The following UHRF2 variants were observed in gnomAD, a reference collection of about 807,000 sequenced individuals.
The protein encoded by UHRF2 is E3 ubiquitin-protein ligase UHRF2.
Under a neutral mutation model 96.8 loss-of-function variants are expected in UHRF2, and 23 were observed. That is an observed-to-expected ratio of 0.24 (90% CI 0.17 to 0.34). The LOEUF is 0.34. Among genes scored for constraint, UHRF2 ranks in the 10% least tolerant of loss-of-function variants. The pLI, the probability that UHRF2 is intolerant of heterozygous loss-of-function variation, is 1.00. For missense variants in UHRF2, 685 were observed against 981.5 expected (o/e 0.70, Z 4.04); for synonymous variants, 385 against 332.6 (o/e 1.16, Z -1.72).
chr9:6,495,274 A>G (rs996236490), intron 10 of UHRF2: 1 of 152,346 alleles, frequency 6.6e-6, no homozygotes, highest in African/African-American at 2.4e-5. Flanking sequence ...AGCAGTAAAC[A>G]TGTTTTCTAT....
chr9:6,477,309 G>T (rs1460717773), intron 5 of UHRF2, among the ~76,000 whole-genome samples: 1 of 151,936 alleles, frequency 6.6e-6, no homozygotes. Context: ...CAGATCACCT[G>T]AGGTTGGAAG....
intron 1 of UHRF2, chr9:6,415,641 A>G (rs1819556414): frequency 6.6e-6 from 1 of 152,238 alleles, no homozygotes; most frequent in South Asian, 2.1e-4. Flanking sequence ...GAAAAATGTC[A>G]TAAATTGTAG....
intron 3 of UHRF2, among the ~76,000 whole-genome samples, chr9:6,445,874 A>G (rs1196079319): frequency 6.6e-6 from 1 of 151,598 alleles, no homozygotes; most frequent in Non-Finnish European, 1.5e-5. Context: ...CTTTCTTCTA[A>G]TAATATTGAA....
At chr9:6,448,672 TAAC>T (rs1821667243) in intron 3 of UHRF2, among the ~76,000 whole-genome samples, 1 of 152,178 alleles carries the variant, frequency 6.6e-6, no homozygotes, top group African/African-American at 2.4e-5. Context: ...AGTAACAGTT[TAAC>T]AACAAAAAAT....
At chr9:6,413,958 C>A (rs916697668) in intron 1 of UHRF2, 18 of 215,328 alleles carry the variant, frequency 8.4e-5, no homozygotes, top group Non-Finnish European at 1.2e-4. Context: ...CCTCGCTTCC[C>A]GCGCTCGGCG....
At chr9:6,423,919 T>G (rs1315805067) in intron 2 of UHRF2, among the ~76,000 whole-genome samples, 1 of 151,962 alleles carries the variant, frequency 6.6e-6, no homozygotes, top group Non-Finnish European at 1.5e-5. Context: ...CACTCCAGCC[T>G]GGGCGACACA....
chr9:6,479,377 C>T (rs141769348), intron 6 of UHRF2, among the ~76,000 whole-genome samples: 87 of 152,158 alleles, frequency 5.7e-4, no homozygotes, highest in Non-Finnish European at 1.1e-3. Flanking sequence ...CAGGTAATCC[C>T]GATTTTCTAC....
rs1211986639 is a variant in UHRF2, at chr9:6,486,140, T to C, written c.1393-681T>C. 4.6e-5 allele frequency among the ~76,000 whole-genome samples: 7 copies of C among 152,274 alleles called. No individual in the cohort carries two copies. In the South Asian group the frequency reaches 1.4e-3, roughly 32 times the overall value. On this transcript the variant is annotated intron_variant, in intron 8 of 15. Coordinates refer to ENST00000276893, the MANE Select transcript of UHRF2 (RefSeq NM_152896.3). Reference sequence around the variant, plus strand: ...TACTGTGTGACCACTTAATATATTTTAAGAAGTTGAAAGTCAAAAGCAGAA... The same window carrying C: ...TACTGTGTGACCACTTAATATATTTCAAGAAGTTGAAAGTCAAAAGCAGAA...
intron 2 of UHRF2, among the ~76,000 whole-genome samples, chr9:6,424,418 T>G (rs1237788245): frequency 6.6e-6 from 1 of 152,252 alleles, no homozygotes; most frequent in Non-Finnish European, 1.5e-5. Flanking sequence ...ACTTGCCATT[T>G]TTTTCTATAT....
chr9:6,460,020 A>T (rs1822432047), intron 3 of UHRF2, among the ~76,000 whole-genome samples: 1 of 152,174 alleles, frequency 6.6e-6, no homozygotes, highest in Non-Finnish European at 1.5e-5. Flanking sequence ...GCAAGAGCTT[A>T]TGTTTTTATC....
In UHRF2 at chr9:6,413,625, CT is replaced by C; in HGVS notation, c.137del (p.Phe46SerfsTer20). The C allele has an allele frequency of 6.3e-7, 1 of 1,594,832 alleles. No homozygotes were observed. Among genetic ancestry groups the C allele is most frequent in the Non-Finnish European group, 8.5e-7 (1 of 1,172,302 alleles). On this transcript the variant is annotated frameshift_variant, in exon 1 of 16. Coordinates refer to ENST00000276893, the MANE Select transcript of UHRF2 (RefSeq NM_152896.3). LOFTEE classifies it high-confidence loss of function. ...ACGTGCGGCCCGAATGCCAGCGCCT[CT>C]TCTACCGGGGCAAGCAGGTGAGGCG... ...FDVRPECQRL[F>X]YRGKQLENGY...
At chr9:6,491,666 C>G (rs1824667358) in intron 9 of UHRF2, among the ~76,000 whole-genome samples, 1 of 152,176 alleles carries the variant, frequency 6.6e-6, no homozygotes, top group South Asian at 2.1e-4. Context: ...AGCTTGTTGT[C>G]TTAGGCAGTT....
Position 6,451,714 on chromosome 9 carries a change from G to A in UHRF2, c.645-8859G>A, listed in dbSNP as rs1393621525. On this transcript the variant is annotated intron_variant, in intron 3 of 15. Transcript: ENST00000276893. ...TCTCGATCTCCTGACCTCGTGATCC[G>A]CCTTTCTCGGCCTCCCAAAGTGCTG... Among the ~76,000 whole-genome samples the A allele has an allele frequency of 2.0e-5, 3 of 151,906 alleles. No homozygotes were observed. In the South Asian group the frequency reaches 6.2e-4, roughly 32 times the overall value.
chr9:6,445,969 C>A (rs1821462072), intron 3 of UHRF2, among the ~76,000 whole-genome samples: 1 of 136,770 alleles, frequency 7.3e-6, no homozygotes, highest in South Asian at 2.4e-4. Flanking sequence ...ATACTCTTCC[C>A]CCCCCGCCAC....
chr9:6,500,108 C>T (rs556185709), intron 13 of UHRF2, among the ~76,000 whole-genome samples, 177 bp downstream of exon 13: 9 of 152,072 alleles, frequency 5.9e-5, no homozygotes, highest in South Asian at 4.2e-4. Context: ...AAGTAGCCCA[C>T]GGCTGTACAC....
At chr9:6,433,736 A>G (rs1820682438) in intron 2 of UHRF2, among the ~76,000 whole-genome samples, 178 bp from the exon 3 acceptor site, 1 of 152,246 alleles carries the variant, frequency 6.6e-6, no homozygotes, top group South Asian at 2.1e-4. Flanking sequence ...TAGTCAATAG[A>G]TTTAAGATAG....
At chr9:6,464,639 T>A (rs1294313165) in intron 4 of UHRF2, among the ~76,000 whole-genome samples, 2 of 152,184 alleles carry the variant, frequency 1.3e-5, no homozygotes, top group Non-Finnish European at 2.9e-5. Context: ...AATAAACATT[T>A]TTCCTAGCAC....
chr9:6,444,842 T>C (rs945859558), intron 3 of UHRF2, among the ~76,000 whole-genome samples: 6 of 152,228 alleles, frequency 3.9e-5, no homozygotes, highest in Admixed American at 3.3e-4. Flanking sequence ...CCTTAGGTGA[T>C]TGACCTGCCC....
intron 1 of UHRF2, among the ~76,000 whole-genome samples, chr9:6,417,877 G>A (rs1019254128): frequency 2.0e-5 from 3 of 152,164 alleles, no homozygotes; most frequent in African/African-American, 7.2e-5. Flanking sequence ...CTAACCAGGA[G>A]CTGACTGTAG....
Sources: allele counts gnomAD v4.1 joint callset (sites outside exome capture counted in the v4.1 genomes callset), GRCh38; gene constraint gnomAD v4.1.1; transcripts MANE v1.5; gene names NCBI Gene and HGNC (gene_info 2026-07-23, HGNC 2026-07-21).